The following NRXN3 variants were observed in gnomAD, a reference collection of about 807,000 sequenced individuals.
NRXN3 encodes the protein neurexin III.
A neutral mutation model predicts 137.6 loss-of-function variants in NRXN3; 32 were observed. That is an observed-to-expected ratio of 0.23 (90% CI 0.18 to 0.31). The LOEUF is 0.31. Ranked by LOEUF, NRXN3 falls within the 10% of genes least tolerant of loss-of-function variation. NRXN3 has a pLI of 1.00. For synonymous variants in NRXN3, 798 were observed against 784.5 expected (o/e 1.02, Z -0.29); for missense variants, 1,574 against 2,062.5 (o/e 0.76, Z 4.59).
intron 4 of NRXN3, among the ~76,000 whole-genome samples, chr14:78,381,890 A>G (rs905310080): frequency 6.6e-6 from 1 of 152,226 alleles, no homozygotes; most frequent in Non-Finnish European, 1.5e-5. Context: ...ACAAAAATAT[A>G]AAAGAGTGAA....
chr14:78,422,520 A>G (rs1328758712), intron 4 of NRXN3, among the ~76,000 whole-genome samples: 1 of 152,200 alleles, frequency 6.6e-6, no homozygotes, highest in Non-Finnish European at 1.5e-5. Flanking sequence ...GGTGTTAACC[A>G]AGAGAAAGCT....
At chr14:78,627,038 C>T (rs949887044) in intron 4 of NRXN3, among the ~76,000 whole-genome samples, 2 of 151,822 alleles carry the variant, frequency 1.3e-5, no homozygotes, top group Non-Finnish European at 1.5e-5. Flanking sequence ...TTTAGCTTGT[C>T]CTTTTTCACT....
chr14:79,316,626 A>G (rs1005137692), intron 15 of NRXN3, among the ~76,000 whole-genome samples: 13 of 152,120 alleles, frequency 8.5e-5, no homozygotes, highest in Non-Finnish European at 1.8e-4. Flanking sequence ...ATGCCAGTTG[A>G]CAACTTGCCC....
chr14:78,273,535 G>A (rs550221389), intron 2 of NRXN3, among the ~76,000 whole-genome samples: 1 of 152,300 alleles, frequency 6.6e-6, no homozygotes, highest in South Asian at 2.1e-4. Context: ...TCCTTGCCTT[G>A]CTGCCTCCCC....
At position 78,803,537 on chromosome 14, in the gene NRXN3, A is replaced by G. The variant is rs531467029; in HGVS notation, c.2045-83A>G. 2.3e-6 allele frequency: 3 copies of G among 1,276,936 alleles called. No individual in the cohort carries two copies. In the South Asian group the frequency reaches 3.6e-5, roughly 15 times the overall value. The allele number at this position is 1,276,936 out of a possible 1,614,324, so 79.1% of individuals were successfully genotyped here. ...AGGCTACAAATCTGGCACCCTCTCT[A>G]CTCGCTTAGCCTGAAAGCAAAGGGG... On this transcript the variant is annotated intron_variant, in intron 8 of 20. Coordinates refer to ENST00000335750, the MANE Select transcript of NRXN3 (RefSeq NM_001330195.2).
intron 15 of NRXN3, among the ~76,000 whole-genome samples, chr14:79,039,559 T>A (rs1308818602): frequency 6.6e-6 from 1 of 152,156 alleles, no homozygotes; most frequent in Non-Finnish European, 1.5e-5. Flanking sequence ...TTTTCTGTTA[T>A]GTTTGAGAGA....
At chr14:79,527,263 C>T (rs1007512355) in intron 16 of NRXN3, among the ~76,000 whole-genome samples, 11 of 128,540 alleles carry the variant, frequency 8.6e-5, no homozygotes, top group African/African-American at 3.1e-4. Context: ...CACTGCACTC[C>T]AGCCTGGGCG....
At chr14:79,499,293 G>C (rs1355543672) in intron 16 of NRXN3, among the ~76,000 whole-genome samples, 1 of 152,222 alleles carries the variant, frequency 6.6e-6, no homozygotes, top group East Asian at 1.9e-4. Flanking sequence ...AAACATGCCT[G>C]GTTTGTTCTA....
chr14:78,222,965 G>A (rs1029584137), intron 1 of NRXN3, among the ~76,000 whole-genome samples: 8 of 152,216 alleles, frequency 5.3e-5, no homozygotes, highest in Admixed American at 3.9e-4. Context: ...TTACAAGTTA[G>A]TATATCCATC....
intron 10 of NRXN3, among the ~76,000 whole-genome samples, chr14:78,901,778 C>T (rs373699076): frequency 2.0e-4 from 31 of 152,118 alleles, no homozygotes; most frequent in African/African-American, 6.3e-4. Context: ...TACTTGTAAC[C>T]ATGTCTGACT....
intron 10 of NRXN3, among the ~76,000 whole-genome samples, chr14:78,872,308 T>C (rs2099103481): frequency 6.7e-6 from 1 of 148,292 alleles, no homozygotes; most frequent in Admixed American, 6.8e-5. Flanking sequence ...TTAATATATA[T>C]ATTTTATTTT....
chr14:78,325,622 A>G (rs955564906), intron 4 of NRXN3, among the ~76,000 whole-genome samples: 2 of 152,004 alleles, frequency 1.3e-5, no homozygotes, highest in African/African-American at 2.4e-5. Flanking sequence ...TTCTCATTCA[A>G]GTAGGGGAAG....
At chr14:78,449,951 G>A (rs2094511887) in intron 4 of NRXN3, among the ~76,000 whole-genome samples, 1 of 152,136 alleles carries the variant, frequency 6.6e-6, no homozygotes. Context: ...CAGACCATTG[G>A]CTATCTGTCT....
At chr14:78,561,200 C>T (rs1600487496) in intron 4 of NRXN3, among the ~76,000 whole-genome samples, 1 of 152,200 alleles carries the variant, frequency 6.6e-6, no homozygotes. Flanking sequence ...AGAGAAAGAA[C>T]AAGAAATAAA....
intron 15 of NRXN3, among the ~76,000 whole-genome samples, chr14:79,373,476 T>A (rs1264097033): frequency 6.6e-6 from 1 of 152,214 alleles, no homozygotes; most frequent in African/African-American, 2.4e-5. Flanking sequence ...AATAAAAGAT[T>A]CCGGAAAGCG....
At chr14:79,292,064 C>G (rs1234741492) in intron 15 of NRXN3, among the ~76,000 whole-genome samples, 1 of 152,166 alleles carries the variant, frequency 6.6e-6, no homozygotes, top group Middle Eastern at 3.2e-3. Flanking sequence ...TCTAGTTCTT[C>G]CACTTACTAA....
intron 15 of NRXN3, among the ~76,000 whole-genome samples, chr14:79,216,776 A>G (rs2068574111): frequency 6.6e-6 from 1 of 152,218 alleles, no homozygotes; most frequent in Non-Finnish European, 1.5e-5. Flanking sequence ...TAAATATTAT[A>G]GGGACATTGT....
chr14:79,306,449 T>G (rs533127857), intron 15 of NRXN3, among the ~76,000 whole-genome samples: 1 of 152,136 alleles, frequency 6.6e-6, no homozygotes, highest in Non-Finnish European at 1.5e-5. Flanking sequence ...TTTTTCTCTT[T>G]GTAATATACT....
intron 7 of NRXN3, chr14:78,709,976 C>A (rs2098392015): frequency 1.0e-5 from 3 of 293,590 alleles, no homozygotes; most frequent in Non-Finnish European, 1.9e-5. Context: ...GATCCGCCCC[C>A]ATTGCCCCAT....
Sources: allele counts gnomAD v4.1 joint callset (sites outside exome capture counted in the v4.1 genomes callset), GRCh38; gene constraint gnomAD v4.1.1; transcripts MANE v1.5; gene names NCBI Gene and HGNC (gene_info 2026-07-23, HGNC 2026-07-21).